UBASH3B: variants seen among roughly 807,000 people sequenced by gnomAD.
UBASH3B encodes ubiquitin associated and SH3 domain containing B.
A neutral mutation model predicts 83.4 loss-of-function variants in UBASH3B; 37 were observed. That is an observed-to-expected ratio of 0.44 (90% CI 0.34 to 0.58). UBASH3B has a LOEUF of 0.58. UBASH3B is among the 20% of genes least tolerant of loss of function. The probability of loss-of-function intolerance (pLI) is 0.01; values close to 1 mark genes in which losing one functional copy is unlikely to be tolerated. For synonymous variants in UBASH3B, 304 were observed against 318.3 expected (o/e 0.96, Z 0.48); for missense variants, 657 against 827.2 (o/e 0.79, Z 2.52).
intron 4 of UBASH3B, 99 bp from the exon 5 acceptor site, chr11:122,782,954 C>A: frequency 7.2e-7 from 1 of 1,393,888 alleles, no homozygotes; most frequent in Non-Finnish European, 9.7e-7. Context: ...ATGTGGGAAG[C>A]AGAATTTCTC....
chr11:122,764,629 T>A (rs533328814), intron 1 of UBASH3B, among the ~76,000 whole-genome samples: 3 of 152,222 alleles, frequency 2.0e-5, no homozygotes, highest in Non-Finnish European at 2.9e-5. Context: ...TGGGACTGAA[T>A]TGCGTGGATC....
intron 1 of UBASH3B, among the ~76,000 whole-genome samples, chr11:122,701,718 T>A (rs947583269): frequency 1.3e-5 from 2 of 152,102 alleles, no homozygotes; most frequent in African/African-American, 2.4e-5. Flanking sequence ...CTTTTGACTC[T>A]CCCCTCAAGA....
At chr11:122,679,229 T>C (rs1473001538) in intron 1 of UBASH3B, among the ~76,000 whole-genome samples, 1 of 152,144 alleles carries the variant, frequency 6.6e-6, no homozygotes, top group Non-Finnish European at 1.5e-5. Context: ...AAGAGGTCAG[T>C]GCGTGCATAG....
intron 1 of UBASH3B, among the ~76,000 whole-genome samples, chr11:122,704,548 C>T (rs66495925): frequency 0.079 from 11,996 of 151,846 alleles, 581 homozygotes; most frequent in African/African-American, 0.13. Context: ...CTCACTCTGT[C>T]ATCTAGGCTG....
At chr11:122,703,913 G>T (rs955228429) in intron 1 of UBASH3B, among the ~76,000 whole-genome samples, 1 of 152,226 alleles carries the variant, frequency 6.6e-6, no homozygotes, top group Non-Finnish European at 1.5e-5. Flanking sequence ...AATGTGACCT[G>T]CAGGCACTGG....
rs114656818 is a variant in UBASH3B at position 122,747,430 on chromosome 11, G to C, written c.162-28789G>C. On this transcript the variant is annotated intron_variant, in intron 1 of 13. Transcript: ENST00000284273. ...GCATGTAAGGCACCCTGTGGGGACAGTGCTGAGCTTAGGACCTAGAGGCAG... is the reference window on the plus strand; with the variant it reads ...GCATGTAAGGCACCCTGTGGGGACACTGCTGAGCTTAGGACCTAGAGGCAG... Among the ~76,000 whole-genome samples, 413 of 152,312 alleles carry C rather than the reference G, an allele frequency of 2.7e-3. 1 individual carries two copies. The highest frequency in any genetic ancestry group is 9.5e-3 in the African/African-American group (396 of 41,554).
chr11:122,668,940 C>T (rs956721743), intron 1 of UBASH3B, among the ~76,000 whole-genome samples: 4 of 152,136 alleles, frequency 2.6e-5, no homozygotes, highest in African/African-American at 9.7e-5. Context: ...AGGAGTCACT[C>T]GAGAAGCCAT....
At chr11:122,693,516 G>C (rs912834687) in intron 1 of UBASH3B, among the ~76,000 whole-genome samples, 1 of 152,222 alleles carries the variant, frequency 6.6e-6, no homozygotes, top group African/African-American at 2.4e-5. Context: ...AATGGACAAA[G>C]TCATGGAGGG....
intron 10 of UBASH3B, among the ~76,000 whole-genome samples, chr11:122,800,571 T>TAAAG (rs1294030964): frequency 6.6e-6 from 1 of 151,544 alleles, no homozygotes; most frequent in Non-Finnish European, 1.5e-5. Context: ...ATAATAATAA[T>TAAAG]AAAGAAAGAA....
intron 1 of UBASH3B, among the ~76,000 whole-genome samples, chr11:122,656,550 A>C (rs962317607): frequency 6.6e-6 from 1 of 152,166 alleles, no homozygotes; most frequent in Non-Finnish European, 1.5e-5. Flanking sequence ...CTAGGTCTCC[A>C]GCGCCGAGCG....
rs545902190 is a variant in UBASH3B at position 122,658,367 on chromosome 11, CT to C, written c.161+2160del. 1.3e-4 allele frequency among the ~76,000 whole-genome samples: 20 copies of C among 152,204 alleles called. No homozygotes were observed. In the East Asian group the frequency reaches 3.7e-3, roughly 28 times the overall value. Reference sequence around the variant, plus strand: ...TATTTGAGATTCAAATTCAAATCAGCTTTAAAGGGACATCTTTTCTCCTGCT... The same window carrying C: ...TATTTGAGATTCAAATTCAAATCAGCTTAAAGGGACATCTTTTCTCCTGCT... On this transcript the variant is annotated intron_variant, in intron 1 of 13. Transcript: ENST00000284273.
chr11:122,702,570 G>A (rs1864055739), intron 1 of UBASH3B, among the ~76,000 whole-genome samples: 1 of 151,886 alleles, frequency 6.6e-6, no homozygotes, highest in African/African-American at 2.4e-5. Context: ...TGTCGCCGAG[G>A]CTGGAGTGCA....
chr11:122,772,642 A>T (rs1200443180), intron 1 of UBASH3B, among the ~76,000 whole-genome samples: 1 of 152,162 alleles, frequency 6.6e-6, no homozygotes, highest in Non-Finnish European at 1.5e-5. Flanking sequence ...GGCCAGACCA[A>T]CCTTGAATTC....
chr11:122,764,203 A>G, intron 1 of UBASH3B, among the ~76,000 whole-genome samples: 1 of 152,256 alleles, frequency 6.6e-6, no homozygotes, highest in South Asian at 2.1e-4. Context: ...TTCAAAAGTC[A>G]TGGATGGTCT....
At chr11:122,665,486 G>A (rs1863504081) in intron 1 of UBASH3B, among the ~76,000 whole-genome samples, 1 of 152,162 alleles carries the variant, frequency 6.6e-6, no homozygotes, top group Non-Finnish European at 1.5e-5. Context: ...GAGCCCCTGC[G>A]CCCAGCCTGG....
At chr11:122,713,204 G>T (rs1488317224) in intron 1 of UBASH3B, among the ~76,000 whole-genome samples, 2 of 152,136 alleles carry the variant, frequency 1.3e-5, no homozygotes, top group Non-Finnish European at 2.9e-5. Flanking sequence ...ACTGCACCCG[G>T]CCCAGTGTTC....
intron 4 of UBASH3B, 38 bp from the exon 5 acceptor site, chr11:122,783,015 C>A: frequency 1.3e-6 from 2 of 1,594,800 alleles, no homozygotes; most frequent in Non-Finnish European, 1.7e-6. Flanking sequence ...CTATCATCAC[C>A]ACCTTTTAAT....
intron 1 of UBASH3B, among the ~76,000 whole-genome samples, chr11:122,716,099 G>A (rs982072335): frequency 6.6e-6 from 1 of 152,170 alleles, no homozygotes; most frequent in African/African-American, 2.4e-5. Flanking sequence ...GTCCCTCTGT[G>A]GGGGCAGAAA....
At chr11:122,670,201 A>G (rs568081880) in intron 1 of UBASH3B, among the ~76,000 whole-genome samples, 90 of 151,562 alleles carry the variant, frequency 5.9e-4, no homozygotes, top group Middle Eastern at 3.4e-3. Flanking sequence ...GTGTGTGTGT[A>G]TATACACTGC....
Sources: allele counts gnomAD v4.1 joint callset (sites outside exome capture counted in the v4.1 genomes callset), GRCh38; gene constraint gnomAD v4.1.1; transcripts MANE v1.5; gene names NCBI Gene and HGNC (gene_info 2026-07-23, HGNC 2026-07-21).